The following FANK1 variants were observed in gnomAD, a reference collection of about 807,000 sequenced individuals.
The protein encoded by FANK1 is fibronectin type III and ankyrin repeat domains 1, also known as fibronectin type 3 and ankyrin repeat domains protein 1.
In FANK1, 44 loss-of-function variants were observed where a neutral mutation model predicts 45.3. The ratio of observed to expected loss-of-function variants is 0.97; its 90% confidence interval spans 0.76 to 1.25. The LOEUF is 1.25. Ranked by LOEUF, FANK1 falls within the 50% of genes most tolerant of loss-of-function variation. The probability of loss-of-function intolerance (pLI) is 0.00; values close to 1 mark genes in which losing one functional copy is unlikely to be tolerated. For synonymous variants in FANK1, 149 were observed against 152.5 expected (o/e 0.98, Z 0.17); for missense variants, 391 against 424.4 (o/e 0.92, Z 0.69).
chr10:125,973,360 T>G, intron 1 of FANK1: 2 of 839,638 alleles, frequency 2.4e-6, no homozygotes, highest in Non-Finnish European at 2.9e-6. Context: ...CCATTCCTGG[T>G]GTTTGGTTTT....
chr10:125,918,556 C>CAAAAAAAAAAAAAA lies in FANK1; in HGVS notation c.13+21918_13+21931dup, dbSNP rs1156446362. Among the ~76,000 whole-genome samples the CAAAAAAAAAAAAAA allele has an allele frequency of 4.2e-4, 3 of 7,104 alleles. 1 individual carries two copies. Among genetic ancestry groups the CAAAAAAAAAAAAAA allele is most frequent in the Non-Finnish European group, 9.0e-4 (3 of 3,324 alleles). The allele number at this position is 7,104 out of a possible 152,430, so 4.7% of individuals were successfully genotyped here. On this transcript the variant is annotated intron_variant, in intron 1 of 10. Coordinates refer to ENST00000368693, the MANE Select transcript of FANK1 (RefSeq NM_145235.5). Reference sequence around the variant, plus strand: ...CTGGTGACAGAGCAAGCCTCTGTCTCAAAAAAAAAAAAAAAAAAAAAAAAA... The same window carrying CAAAAAAAAAAAAAA: ...CTGGTGACAGAGCAAGCCTCTGTCTCAAAAAAAAAAAAAAAAAAAAAAAAAAAAAAAAAAAAAAA...
At chr10:125,951,208 G>A (rs914211104) in intron 1 of FANK1, among the ~76,000 whole-genome samples, 2 of 149,422 alleles carry the variant, frequency 1.3e-5, no homozygotes, top group African/African-American at 4.9e-5. Context: ...CCTGCACAAT[G>A]TGCACATGTA....
In FANK1 at chr10:125,966,479, G is replaced by A. The variant is rs374509454; in HGVS notation, c.14-13682G>A. Reference sequence around the variant, plus strand: ...GGTTTGTATTTGTTTGGTGTCCAATGTTCCCTGCTCCTCTCTTTGCCCTTC... The same window carrying A: ...GGTTTGTATTTGTTTGGTGTCCAATATTCCCTGCTCCTCTCTTTGCCCTTC... On this transcript the variant is annotated intron_variant, in intron 1 of 10. Coordinates refer to ENST00000368693, the MANE Select transcript of FANK1 (RefSeq NM_145235.5). Among the ~76,000 whole-genome samples the A allele has an allele frequency of 1.3e-3, 191 of 152,262 alleles. 3 individuals are homozygous for A. In the South Asian group the frequency reaches 0.014, roughly 11 times the overall value.
At chr10:125,914,280 C>CATACATATATATATATATATAT (rs1554910620) in intron 1 of FANK1, among the ~76,000 whole-genome samples, 1 of 140,298 alleles carries the variant, frequency 7.1e-6, no homozygotes, top group African/African-American at 2.9e-5. Context: ...CTTTGTATGC[C>CATACATATATATATATATATAT]ATATATATAT....
In FANK1 at chr10:125,980,191, C is replaced by G; in HGVS notation, c.44C>G (p.Pro15Arg). ...KIMPPSKPHPPVVGKVTHHSI... is the reference protein window; with the variant it reads ...KIMPPSKPHPRVVGKVTHHSI... Reference sequence around the variant, plus strand: ...ATGCCACCCTCAAAGCCTCATCCACCTGTCGTGGGCAAAGTGACTCATCAC... The same window carrying G: ...ATGCCACCCTCAAAGCCTCATCCACGTGTCGTGGGCAAAGTGACTCATCAC... The change falls in exon 2 of 11, where the codon CCT becomes CGT. Residue 15 changes from proline to arginine, a missense_variant. Transcript: ENST00000368693. 6.2e-7 allele frequency: 1 copy of G among 1,613,200 alleles called. No homozygotes were observed. The highest frequency in any genetic ancestry group is 8.5e-7 in the Non-Finnish European group (1 of 1,179,810).
intron 5 of FANK1, among the ~76,000 whole-genome samples, chr10:125,996,828 C>T (rs559981149): frequency 2.0e-5 from 3 of 152,068 alleles, no homozygotes; most frequent in Non-Finnish European, 4.4e-5. Flanking sequence ...GAATGTAAAT[C>T]ATGTGTTGAG....
chr10:125,980,448 A>G (rs571627445), intron 2 of FANK1, 110 bp downstream of exon 2: 4 of 1,248,808 alleles, frequency 3.2e-6, no homozygotes, highest in Middle Eastern at 2.0e-4. Context: ...AGAATGAGTC[A>G]GCATCATTTG....
intron 1 of FANK1, among the ~76,000 whole-genome samples, chr10:125,916,298 A>G (rs1946440089): frequency 6.6e-6 from 1 of 152,192 alleles, no homozygotes; most frequent in South Asian, 2.1e-4. Context: ...AAGTGCTGGG[A>G]TTACAGGCAT....
chr10:125,950,609 A>T (rs991497347), intron 1 of FANK1, among the ~76,000 whole-genome samples: 4 of 152,164 alleles, frequency 2.6e-5, no homozygotes, highest in African/African-American at 9.7e-5. Context: ...GCTGGAGAGG[A>T]TGTGGAGAAA....
intron 1 of FANK1, among the ~76,000 whole-genome samples, chr10:125,946,270 C>T (rs543764103): frequency 0.011 from 1,613 of 151,524 alleles, 29 homozygotes; most frequent in African/African-American, 0.037. Flanking sequence ...ATGACTTTGA[C>T]GAGCTGAGAG....
intron 1 of FANK1, 59 bp from the exon 2 acceptor site, chr10:125,980,102 C>T: frequency 6.4e-7 from 1 of 1,551,918 alleles, no homozygotes; most frequent in Non-Finnish European, 8.7e-7. Flanking sequence ...ATCCACTCGA[C>T]TGGTCTCTCT....
At chr10:125,952,649 T>C (rs1191954410) in intron 1 of FANK1, among the ~76,000 whole-genome samples, 3 of 151,962 alleles carry the variant, frequency 2.0e-5, no homozygotes, top group Non-Finnish European at 2.9e-5. Flanking sequence ...TGTTCCTCGA[T>C]GTCTGAGACA....
At chr10:125,996,804 C>A (rs1294404265) in intron 5 of FANK1, among the ~76,000 whole-genome samples, 180 bp downstream of exon 5, 7 of 152,110 alleles carry the variant, frequency 4.6e-5, no homozygotes, top group Admixed American at 4.6e-4. Flanking sequence ...TAAAGTTACA[C>A]AACATGCAGG....
chr10:125,918,527 C>T (rs867110807), intron 1 of FANK1, among the ~76,000 whole-genome samples: 41 of 113,792 alleles, frequency 3.6e-4, no homozygotes, highest in African/African-American at 1.1e-3. Context: ...TACTGCACTC[C>T]AGTCTGGTGA....
intron 3 of FANK1, among the ~76,000 whole-genome samples, chr10:125,993,805 G>C (rs1392736461): frequency 1.3e-5 from 2 of 152,210 alleles, no homozygotes; most frequent in Non-Finnish European, 2.9e-5. Flanking sequence ...AAAAAAGTCT[G>C]TAAGAGATTG....
chr10:125,941,948 G>C (rs1948477189), intron 1 of FANK1, among the ~76,000 whole-genome samples: 7 of 152,336 alleles, frequency 4.6e-5, no homozygotes, highest in Admixed American at 3.3e-4. Context: ...CAGGGCAATA[G>C]GATGGGGCCA....
rs1344214819 is a variant in FANK1, at chr10:125,966,107, CTT to C, written c.14-14051_14-14050del. On this transcript the variant is annotated intron_variant, in intron 1 of 10. Coordinates refer to ENST00000368693, the MANE Select transcript of FANK1 (RefSeq NM_145235.5). ...CCATTACTACTCTAGGGAGTTTTGT[CTT>C]TTATTGTTTTTGCTATTTGGTTTTT... 4.6e-5 allele frequency among the ~76,000 whole-genome samples: 7 copies of C among 152,124 alleles called. No individual in the cohort carries two copies. In the East Asian group the frequency reaches 1.4e-3, roughly 29 times the overall value.
chr10:125,964,064 ACTTAG>A (rs546434411), intron 1 of FANK1, among the ~76,000 whole-genome samples: 23 of 151,980 alleles, frequency 1.5e-4, no homozygotes, highest in African/African-American at 4.8e-4. Context: ...ACATGCCACC[ACTTAG>A]CTTAAGAAAC....
intron 1 of FANK1, among the ~76,000 whole-genome samples, chr10:125,930,606 G>A (rs1170017646): frequency 6.6e-6 from 1 of 151,740 alleles, no homozygotes; most frequent in Non-Finnish European, 1.5e-5. Flanking sequence ...AGAAGTTCTG[G>A]GATTACAAGT....
Sources: gnomAD v4.1 joint callset for allele counts (sites outside exome capture counted in the v4.1 genomes callset) on GRCh38, gnomAD v4.1.1 for gene constraint, MANE v1.5 for transcripts, NCBI Gene and HGNC (gene_info 2026-07-23, HGNC 2026-07-21) for gene names.